Variants in SIPA1L1 observed in about 807,000 individuals in gnomAD.
SIPA1L1 encodes the protein signal-induced proliferation-associated 1-like protein 1.
In SIPA1L1, 26 loss-of-function variants were observed where a neutral mutation model predicts 162.7. That is an observed-to-expected ratio of 0.16 (90% CI 0.12 to 0.22). SIPA1L1 has a LOEUF of 0.22. SIPA1L1 is among the 10% of genes least tolerant of loss of function. The pLI is 1.00. For synonymous variants in SIPA1L1, 829 were observed against 837.4 expected, an observed-to-expected ratio of 0.99 and a Z score of 0.17; for missense variants, 1,874 against 2,241.0, an observed-to-expected ratio of 0.84 and a Z score of 3.31.
At chr14:71,425,516 TG>T (rs1331595465) in intron 2 of SIPA1L1, among the ~76,000 whole-genome samples, 3 of 152,188 alleles carry the variant, frequency 2.0e-5, no homozygotes, top group African/African-American at 4.8e-5. Context: ...TTTTGTGTTT[TG>T]TGGAAATAGT....
intron 2 of SIPA1L1, among the ~76,000 whole-genome samples, chr14:71,401,183 G>T (rs148028318): frequency 2.0e-5 from 3 of 152,162 alleles, no homozygotes; most frequent in Non-Finnish European, 2.9e-5. Context: ...TCAGATTACT[G>T]TTAATCTGCT....
At chr14:71,383,604 C>T (rs1299623984) in intron 2 of SIPA1L1, among the ~76,000 whole-genome samples, 2 of 152,134 alleles carry the variant, frequency 1.3e-5, no homozygotes, top group African/African-American at 2.4e-5. Context: ...TAGCATGGCA[C>T]AGTCATTTGC....
At chr14:71,693,478 G>A (rs2081393777) in intron 13 of SIPA1L1, among the ~76,000 whole-genome samples, 1 of 152,018 alleles carries the variant, frequency 6.6e-6, no homozygotes, top group African/African-American at 2.4e-5. Context: ...CAGCCTGGGA[G>A]ACAGAGCAAG....
At chr14:71,738,851 G>A (rs2085559644) in intron 23 of SIPA1L1, among the ~76,000 whole-genome samples, 167 bp from the exon 24 acceptor site, 1 of 152,154 alleles carries the variant, frequency 6.6e-6, no homozygotes, top group Non-Finnish European at 1.5e-5. Flanking sequence ...TGCTCCCTGA[G>A]CTTAGAGTGT....
At chr14:71,425,847 ATT>A (rs35100895) in intron 2 of SIPA1L1, among the ~76,000 whole-genome samples, 27,909 of 151,840 alleles carry the variant, frequency 0.18, 3,035 homozygotes, top group Middle Eastern at 0.36. Context: ...CTTTGGTTTT[ATT>A]TTAGATTTAT....
At chr14:71,725,833 G>A (rs544633824) in intron 19 of SIPA1L1, among the ~76,000 whole-genome samples, 1 of 152,324 alleles carries the variant, frequency 6.6e-6, no homozygotes, top group South Asian at 2.1e-4. Context: ...AGGTTCTTAG[G>A]TGGATGATTT....
intron 2 of SIPA1L1, among the ~76,000 whole-genome samples, chr14:71,453,369 T>C (rs1211195815): frequency 6.6e-6 from 1 of 152,132 alleles, no homozygotes; most frequent in Non-Finnish European, 1.5e-5. Flanking sequence ...GCTCGAGCAG[T>C]CCTCCCACCT....
chr14:71,452,070 CCTA>C (rs1408872091), intron 2 of SIPA1L1, among the ~76,000 whole-genome samples: 1 of 152,064 alleles, frequency 6.6e-6, no homozygotes, highest in Non-Finnish European at 1.5e-5. Context: ...GCAGATAGAT[CCTA>C]CGTTTTCACC....
intron 2 of SIPA1L1, among the ~76,000 whole-genome samples, chr14:71,442,254 T>C (rs575627775): frequency 4.2e-5 from 6 of 144,208 alleles, no homozygotes; most frequent in Non-Finnish European, 9.1e-5. Context: ...TCAGAACATA[T>C]AGTATTGACA....
chr14:71,537,838 A>G (rs961889340), intron 4 of SIPA1L1, among the ~76,000 whole-genome samples: 1 of 152,106 alleles, frequency 6.6e-6, no homozygotes, highest in Non-Finnish European at 1.5e-5. Context: ...TCAGGTGAGG[A>G]ATTTGTAGTC....
chr14:71,732,443 T>C (rs1348727967), intron 20 of SIPA1L1, among the ~76,000 whole-genome samples: 2 of 152,174 alleles, frequency 1.3e-5, no homozygotes, highest in African/African-American at 2.4e-5. Context: ...TTCTATGTCA[T>C]GAGCGTCGTT....
intron 2 of SIPA1L1, among the ~76,000 whole-genome samples, chr14:71,446,547 G>A (rs967618495): frequency 6.6e-6 from 1 of 152,098 alleles, no homozygotes; most frequent in African/African-American, 2.4e-5. Flanking sequence ...CAGCTTGGGC[G>A]ACAGAGCGAG....
At chr14:71,493,037 G>A (rs1320724308) in intron 2 of SIPA1L1, among the ~76,000 whole-genome samples, 1 of 151,950 alleles carries the variant, frequency 6.6e-6, no homozygotes, top group African/African-American at 2.4e-5. Flanking sequence ...AATTTATATC[G>A]AAAGAATATA....
At chr14:71,449,514 A>G (rs2045658219) in intron 2 of SIPA1L1, among the ~76,000 whole-genome samples, 1 of 152,190 alleles carries the variant, frequency 6.6e-6, no homozygotes, top group Non-Finnish European at 1.5e-5. Context: ...AAGGCTACAC[A>G]TCTGGTGACA....
In SIPA1L1 at chr14:71,586,650, C is replaced by T. The variant is rs999405530; in HGVS notation, c.-302-921C>T. The T allele has an allele frequency of 2.6e-5, 4 of 152,166 alleles. No individual in the cohort carries two copies. The South Asian group carries it at 6.2e-4, about 24-fold the overall frequency. 9.4% of individuals were successfully genotyped at this position (152,166 alleles called of 1,614,324 possible). ...TCTCCTGCCTTCTGCCTGACGTGCT[C>T]ATGAGGAAGTTTGTTTCCATGCCCG... On this transcript the variant is annotated intron_variant, in intron 4 of 23. Coordinates refer to ENST00000381232, the MANE Select transcript of SIPA1L1 (RefSeq NM_001386936.1).
rs1300111879 is a variant in SIPA1L1 at position 71,733,671 on chromosome 14, T to C, written c.4867T>C (p.Phe1623Leu). ...TTCCTCCTCCCTTCCCGCAGGAGAG[T>C]TCTCAGCCTCGGACAGCTCCCTCAC... ...TLGMKSLHGE[F>L]SASDSSLTDI... is the part of the protein sequence containing the mutation. Residue 1623 changes from phenylalanine (F) to leucine (L), a missense_variant, in exon 21 of 24, where the codon TTC becomes CTC. Transcript: ENST00000381232. 6.2e-7 allele frequency: 1 copy of C among 1,613,320 alleles called. No individual in the cohort carries two copies. Among genetic ancestry groups the C allele is most frequent in the Non-Finnish European group, 8.5e-7 (1 of 1,179,868 alleles).
intron 4 of SIPA1L1, among the ~76,000 whole-genome samples, chr14:71,549,317 T>G (rs953839484): frequency 2.0e-5 from 3 of 152,108 alleles, no homozygotes; most frequent in African/African-American, 7.2e-5. Context: ...CTACCTTTTT[T>G]TTTTTCTTTT....
At chr14:71,650,232 T>G in intron 7 of SIPA1L1, 103 bp from the exon 8 acceptor site, 1 of 1,112,372 alleles carries the variant, frequency 9.0e-7, no homozygotes. Context: ...AAGAAAGGTG[T>G]TAGCTATTTT....
chr14:71,651,558 A>C (rs1346686106), intron 8 of SIPA1L1, among the ~76,000 whole-genome samples: 8 of 152,180 alleles, frequency 5.3e-5, no homozygotes, highest in African/African-American at 1.7e-4. Flanking sequence ...AAAGATGTTA[A>C]ATTTCAGTAT....
Sources: gnomAD v4.1 joint callset for allele counts (sites outside exome capture counted in the v4.1 genomes callset) on GRCh38, gnomAD v4.1.1 for gene constraint, MANE v1.5 for transcripts, NCBI Gene and HGNC (gene_info 2026-07-23, HGNC 2026-07-21) for gene names.